The following ADAMTSL1 variants were observed in gnomAD, a reference collection of about 807,000 sequenced individuals.
ADAMTSL1 encodes ADAMTS-like protein 1.
ADAMTSL1 carries 126 observed loss-of-function variants against 201.8 expected under a neutral mutation model. The ratio of observed to expected loss-of-function variants is 0.62; its 90% CI spans 0.54 to 0.72. ADAMTSL1 has a LOEUF of 0.72. Among genes scored for constraint, ADAMTSL1 ranks in the 30% least tolerant of loss-of-function variants. The pLI is 0.00. For missense variants in ADAMTSL1, 2,679 were observed against 2,277.8 expected, an observed-to-expected ratio of 1.18 and a Z score of -3.59; for synonymous variants, 1,121 against 903.4, an observed-to-expected ratio of 1.24 and a Z score of -4.32.
intron 22 of ADAMTSL1, among the ~76,000 whole-genome samples, chr9:18,827,108 A>G (rs1223277722): frequency 6.6e-6 from 1 of 151,476 alleles, no homozygotes; most frequent in Non-Finnish European, 1.5e-5. Flanking sequence ...CCCCTGGACT[A>G]GGGACACCCT....
At chr9:18,415,872 A>G (rs1038484477) in intron 2 of ADAMTSL1, among the ~76,000 whole-genome samples, 16 of 152,112 alleles carry the variant, frequency 1.1e-4, no homozygotes, top group Admixed American at 3.9e-4. Context: ...GAAACAATAT[A>G]TACAAGAAGA....
chr9:18,465,436 T>C (rs985944524), intron 2 of ADAMTSL1, among the ~76,000 whole-genome samples: 2 of 152,186 alleles, frequency 1.3e-5, no homozygotes, highest in African/African-American at 2.4e-5. Context: ...TGGTGCATAA[T>C]ATCCACTTCA....
intron 2 of ADAMTSL1, among the ~76,000 whole-genome samples, chr9:18,525,174 G>T (rs1818957569): frequency 6.6e-6 from 1 of 152,156 alleles, no homozygotes. Context: ...TCTTGGGAGG[G>T]TGTATGTGTC....
chr9:18,768,369 C>G (rs1269539656), intron 16 of ADAMTSL1, among the ~76,000 whole-genome samples: 1 of 151,496 alleles, frequency 6.6e-6, no homozygotes, highest in Non-Finnish European at 1.5e-5. Flanking sequence ...CCAGTAGGAG[C>G]TTAGCAAATG....
chr9:18,658,022 T>C (rs1443522239), intron 8 of ADAMTSL1, among the ~76,000 whole-genome samples: 2 of 147,882 alleles, frequency 1.4e-5, no homozygotes, highest in Non-Finnish European at 1.5e-5. Context: ...TCGCCCAGGC[T>C]GGAGTGCAGT....
At chr9:18,708,592 A>G (rs1479428866) in intron 14 of ADAMTSL1, among the ~76,000 whole-genome samples, 1 of 152,226 alleles carries the variant, frequency 6.6e-6, no homozygotes, top group Non-Finnish European at 1.5e-5. Flanking sequence ...ATCAGGTAGA[A>G]AGGCTGTTAG....
At chr9:18,877,813 C>G (rs986263236) in intron 23 of ADAMTSL1, among the ~76,000 whole-genome samples, 1 of 152,126 alleles carries the variant, frequency 6.6e-6, no homozygotes, top group Admixed American at 6.5e-5. Context: ...GTTTCTCAGG[C>G]AGTGGGCAGG....
chr9:18,269,190 A>G (rs971879833), intron 2 of ADAMTSL1, among the ~76,000 whole-genome samples: 2 of 152,152 alleles, frequency 1.3e-5, no homozygotes, highest in African/African-American at 4.8e-5. Context: ...GCTCAATAAA[A>G]TTTGTAGACT....
At chr9:18,639,145 G>A in intron 6 of ADAMTSL1, 109 bp from the exon 7 acceptor site, 4 of 1,047,418 alleles carry the variant, frequency 3.8e-6, no homozygotes, top group Non-Finnish European at 5.7e-6. Context: ...GCTATATAAA[G>A]AATGATGTGT....
chr9:18,557,704 A>G (rs1821186860), intron 3 of ADAMTSL1, among the ~76,000 whole-genome samples: 1 of 152,050 alleles, frequency 6.6e-6, no homozygotes. Flanking sequence ...GCGGTCCATC[A>G]TGGCATTTAT....
intron 23 of ADAMTSL1, among the ~76,000 whole-genome samples, chr9:18,880,216 C>A (rs1828440997): frequency 6.6e-6 from 1 of 152,300 alleles, no homozygotes; most frequent in African/African-American, 2.4e-5. Context: ...TCCCAAATTC[C>A]TGTTCATGTT....
intron 16 of ADAMTSL1, among the ~76,000 whole-genome samples, chr9:18,763,299 T>A (rs959256259): frequency 1.3e-5 from 2 of 152,212 alleles, no homozygotes; most frequent in Admixed American, 6.5e-5. Flanking sequence ...TGCCATTGTG[T>A]CTTCTTTTGA....
chr9:18,165,239 T>C (rs1827581770), intron 2 of ADAMTSL1, among the ~76,000 whole-genome samples: 1 of 151,940 alleles, frequency 6.6e-6, no homozygotes, highest in African/African-American at 2.4e-5. Context: ...TGAAATATTT[T>C]AGCTCATATC....
At chr9:18,076,944 A>G (rs965631271) in intron 1 of ADAMTSL1, among the ~76,000 whole-genome samples, 2 of 152,198 alleles carry the variant, frequency 1.3e-5, no homozygotes, top group Non-Finnish European at 2.9e-5. Context: ...GATTGAATGT[A>G]TACTTGGAAT....
At chr9:18,011,742 A>C (rs1820060913) in intron 1 of ADAMTSL1, among the ~76,000 whole-genome samples, 1 of 152,024 alleles carries the variant, frequency 6.6e-6, no homozygotes, top group African/African-American at 2.4e-5. Context: ...GGAAATCCAA[A>C]GCCTAAAGGG....
chr9:18,553,716 T>C (rs1330380275), intron 3 of ADAMTSL1, among the ~76,000 whole-genome samples: 2 of 151,836 alleles, frequency 1.3e-5, no homozygotes, highest in Non-Finnish European at 2.9e-5. Flanking sequence ...CGTTGACAGT[T>C]ATCTTGTCTC....
chr9:18,764,647 C>T (rs1043399391), intron 16 of ADAMTSL1, among the ~76,000 whole-genome samples: 1 of 152,116 alleles, frequency 6.6e-6, no homozygotes, highest in African/African-American at 2.4e-5. Flanking sequence ...TCTGTGTGCC[C>T]AGGAAAGGGC....
intron 23 of ADAMTSL1, among the ~76,000 whole-genome samples, chr9:18,863,398 G>T (rs2131425259): frequency 6.6e-6 from 1 of 152,344 alleles, no homozygotes; most frequent in South Asian, 2.1e-4. Flanking sequence ...CGCTAGGGGT[G>T]AAGAGACATT....
chr9:18,151,440 C>T (rs1212031863), intron 1 of ADAMTSL1, among the ~76,000 whole-genome samples: 2 of 152,076 alleles, frequency 1.3e-5, no homozygotes, highest in Non-Finnish European at 2.9e-5. Context: ...GTGTGAATGC[C>T]TCTGGTGCCA....
Sources: allele counts gnomAD v4.1 joint callset (sites outside exome capture counted in the v4.1 genomes callset), GRCh38; gene constraint gnomAD v4.1.1; transcripts MANE v1.5; gene names NCBI Gene and HGNC (gene_info 2026-07-23, HGNC 2026-07-21).